The following SMAD2 variants were observed in gnomAD, a reference collection of about 807,000 sequenced individuals.
SMAD2 encodes the protein SMAD family member 2, also known as MAD homolog 2.
SMAD2 carries 8 observed loss-of-function variants against 64.4 expected under a neutral mutation model. The ratio of observed to expected loss-of-function variants is 0.12; its 90% CI spans 0.07 to 0.22. SMAD2 has a LOEUF of 0.22. SMAD2 is among the 10% of genes least tolerant of loss of function. The pLI, the probability that SMAD2 is intolerant of heterozygous loss-of-function variation, is 1.00. For synonymous variants in SMAD2, 203 were observed against 195.8 expected, an observed-to-expected ratio of 1.04 and a Z score of -0.31; for missense variants, 289 against 561.2, an observed-to-expected ratio of 0.51 and a Z score of 4.90.
chr18:47,842,364 A>AC (rs1223056509), intron 10 of SMAD2, among the ~76,000 whole-genome samples: 1 of 151,986 alleles, frequency 6.6e-6, no homozygotes, highest in Non-Finnish European at 1.5e-5. Flanking sequence ...ACATGGTGAA[A>AC]CCCCGTCTCT....
chr18:47,902,179 T>G (rs2033710681), intron 1 of SMAD2, among the ~76,000 whole-genome samples: 2 of 152,146 alleles, frequency 1.3e-5, no homozygotes, highest in African/African-American at 4.8e-5. Flanking sequence ...CCTCCTCTAC[T>G]CTGTACCCAG....
chr18:47,893,230 C>T (rs1354982514), intron 2 of SMAD2, among the ~76,000 whole-genome samples: 2 of 152,138 alleles, frequency 1.3e-5, no homozygotes, highest in Non-Finnish European at 2.9e-5. Flanking sequence ...GCGACAGTGA[C>T]GTATCTATAA....
chr18:47,850,493 T>C (rs1392726686), intron 7 of SMAD2, among the ~76,000 whole-genome samples: 2 of 27,528 alleles, frequency 7.3e-5, no homozygotes, highest in Non-Finnish European at 5.7e-5. Context: ...ATATATTATG[T>C]ATAATATATG....
chr18:47,904,662 A>G (rs759948615), intron 1 of SMAD2, among the ~76,000 whole-genome samples: 46 of 152,230 alleles, frequency 3.0e-4, no homozygotes, highest in Admixed American at 4.6e-4. Flanking sequence ...ATCCAGCAAC[A>G]TAATAGAAAA....
In SMAD2 at chr18:47,833,751, TAAC is replaced by T. The variant is rs1026469248; in HGVS notation, c.*8073_*8075del. On this transcript the variant is annotated 3_prime_UTR_variant, in exon 11 of 11. Transcript: ENST00000262160. ...TAACACAACATTCACGGAAAAATGT[TAAC>T]AACACATTCTGGCTTCTCGAGCAGA... is the stretch of plus-strand genomic sequence containing the variant. The T allele has an allele frequency of 4.3e-6, 1 of 231,088 alleles. No individual in the cohort carries two copies. Among genetic ancestry groups the T allele is most frequent in the Admixed American group, 5.6e-5 (1 of 17,730 alleles). 14.3% of individuals were successfully genotyped at this position (231,088 alleles called of 1,614,324 possible). A position where few individuals can be genotyped will look rare whatever the true frequency, so the allele number is the denominator to read the frequency against.
At position 47,819,920 on chromosome 18, in the gene SMAD2, G is replaced by T. The variant is rs1276738901; in HGVS notation, c.*21907C>A. On this transcript the variant is annotated 3_prime_UTR_variant, in exon 11 of 11. Transcript: ENST00000262160. Reference sequence around the variant, plus strand: ...CAGGAAACGGAGGCAGGAGGATTGTGTGAGTTGGAGTTTGAGGCTGCAGTG... The same window carrying T: ...CAGGAAACGGAGGCAGGAGGATTGTTTGAGTTGGAGTTTGAGGCTGCAGTG... 2 of 152,176 alleles carry T rather than the reference G, an allele frequency of 1.3e-5. No individual in the cohort carries two copies. The highest frequency in any genetic ancestry group is 2.9e-5 in the Non-Finnish European group (2 of 68,032). 9.4% of individuals were successfully genotyped at this position (152,176 alleles called of 1,614,324 possible).
rs779230387 is a variant in SMAD2 at position 47,840,354 on chromosome 18, A to G, written c.*1473T>C. The G allele has an allele frequency of 2.6e-4, 61 of 232,844 alleles. No individual in the cohort carries two copies. The highest frequency in any genetic ancestry group is 9.3e-5 in the Non-Finnish European group (11 of 117,900). 14.4% of individuals were successfully genotyped at this position (232,844 alleles called of 1,614,324 possible). A position where few individuals can be genotyped will look rare whatever the true frequency, so the allele number is the denominator to read the frequency against. ...AGAAATGTTTAAACTGCAATGAGTC[A>G]ACATCAGACATAATAATTATTTGCT... On this transcript the variant is annotated 3_prime_UTR_variant, in exon 11 of 11. Transcript: ENST00000262160.
rs1912559500 is a variant in SMAD2, at chr18:47,821,139, G to A, written c.*20688C>T. The A allele has an allele frequency of 6.6e-6, 1 of 152,000 alleles. No individual in the cohort carries two copies. The highest frequency in any genetic ancestry group is 2.4e-5 in the African/African-American group (1 of 41,410). The allele number at this position is 152,000 out of a possible 1,614,324, so 9.4% of individuals were successfully genotyped here. On this transcript the variant is annotated 3_prime_UTR_variant, in exon 11 of 11. Transcript: ENST00000262160. ...AGGCTGTCTTTTTTCATTTAAGATG[G>A]TCATTTCATTTCTTGAGGTAGAGTT...
rs984325323 is a variant in SMAD2 at position 47,830,072 on chromosome 18, A to C, written c.*11755T>G. 1.3e-5 allele frequency: 2 copies of C among 152,218 alleles called. No homozygotes were observed. The highest frequency in any genetic ancestry group is 4.8e-5 in the African/African-American group (2 of 41,462). The allele number at this position is 152,218 out of a possible 1,614,324, so 9.4% of individuals were successfully genotyped here. ...ATGAAAGCATTCAATTATCTCTATA[A>C]AATTCAATTCCTTAGAATATGTGTT... is the stretch of plus-strand genomic sequence containing the variant. On this transcript the variant is annotated 3_prime_UTR_variant, in exon 11 of 11. Transcript: ENST00000262160.
In SMAD2 at chr18:47,823,123, G is replaced by A. The variant is rs1912629091; in HGVS notation, c.*18704C>T. The A allele has an allele frequency of 6.6e-6, 1 of 152,210 alleles. No individual in the cohort carries two copies. Among genetic ancestry groups the A allele is most frequent in the African/African-American group, 2.4e-5 (1 of 41,452 alleles). The allele number at this position is 152,210 out of a possible 1,614,324, so 9.4% of individuals were successfully genotyped here. A position where few individuals can be genotyped will look rare whatever the true frequency, so the allele number is the denominator to read the frequency against. ...ATTAAAATGTCATATTTGAGAATGT[G>A]TAGAATGCCTGGCTTCAATGGTTCT... On this transcript the variant is annotated 3_prime_UTR_variant, in exon 11 of 11. Coordinates refer to ENST00000262160, the MANE Select transcript of SMAD2 (RefSeq NM_005901.6).
intron 1 of SMAD2, among the ~76,000 whole-genome samples, chr18:47,929,582 T>C (rs2034913085): frequency 6.6e-6 from 1 of 152,236 alleles, no homozygotes; most frequent in African/African-American, 2.4e-5. Context: ...TCGTTTTACC[T>C]GGAAATTTCT....
At chr18:47,855,879 CTA>C (rs1227119991) in intron 6 of SMAD2, among the ~76,000 whole-genome samples, 3 of 152,158 alleles carry the variant, frequency 2.0e-5, no homozygotes, top group African/African-American at 7.2e-5. Flanking sequence ...AGCTGATTGT[CTA>C]ATGAAGACTC....
intron 1 of SMAD2, among the ~76,000 whole-genome samples, chr18:47,902,180 C>T: frequency 6.6e-6 from 1 of 152,202 alleles, no homozygotes; most frequent in South Asian, 2.1e-4. Flanking sequence ...CTCCTCTACT[C>T]TGTACCCAGG....
At chr18:47,893,828 T>C (rs1056543863) in intron 2 of SMAD2, among the ~76,000 whole-genome samples, 12 of 152,148 alleles carry the variant, frequency 7.9e-5, no homozygotes, top group African/African-American at 2.4e-4. Context: ...TGATCAATAA[T>C]AACAAATCTC....
At position 47,824,044 on chromosome 18, in the gene SMAD2, G is replaced by C. The variant is rs1281140294; in HGVS notation, c.*17783C>G. The C allele has an allele frequency of 6.6e-6, 1 of 152,184 alleles. No individual in the cohort carries two copies. Among genetic ancestry groups the C allele is most frequent in the African/African-American group, 2.4e-5 (1 of 41,440 alleles). The allele number at this position is 152,184 out of a possible 1,614,324, so 9.4% of individuals were successfully genotyped here. On this transcript the variant is annotated 3_prime_UTR_variant, in exon 11 of 11. Coordinates refer to ENST00000262160, the MANE Select transcript of SMAD2 (RefSeq NM_005901.6). Reference sequence around the variant, plus strand: ...AAAAGGGTTTTAACACTGACTTTTAGTTGCCAATCACTCCTGCCAATGCAG... The same window carrying C: ...AAAAGGGTTTTAACACTGACTTTTACTTGCCAATCACTCCTGCCAATGCAG...
intron 6 of SMAD2, among the ~76,000 whole-genome samples, chr18:47,861,872 C>A (rs552973889): frequency 2.0e-5 from 3 of 152,170 alleles, no homozygotes; most frequent in Non-Finnish European, 4.4e-5. Flanking sequence ...CACATAGATG[C>A]CTTATAAATA....
In SMAD2 at chr18:47,851,300, G is replaced by A. The variant is rs2030046999; in HGVS notation, c.758C>T (p.Thr253Ile). The change falls in exon 7 of 11, where the codon ACT becomes ATT. Residue 253 changes from threonine to isoleucine, a missense_variant. Thr to Ile is a moderately conservative substitution (Grantham distance 89). This residue lies in a region of SMAD2 where 119 missense variants were observed against 156.7 expected (regional missense o/e 0.76). Transcript: ENST00000262160. Reference sequence around the variant, plus strand: ...CAAGCTATGATTAACAGGGGAAAGAGTAGTAGGAGATAGTTCTGCTGGAGA... The same window carrying A: ...CAAGCTATGATTAACAGGGGAAAGAATAGTAGGAGATAGTTCTGCTGGAGA... ...TGSPAELSPT[T>I]LSPVNHSLDL... 1.9e-6 allele frequency: 3 copies of A among 1,610,318 alleles called. No individual in the cohort carries two copies. The highest frequency in any genetic ancestry group is 2.5e-6 in the Non-Finnish European group (3 of 1,176,926).
chr18:47,886,943 A>C lies in SMAD2; in HGVS notation c.236+9578T>G, dbSNP rs1030270276. The C allele has an allele frequency of 5.8e-5, 9 of 155,990 alleles. No homozygotes were observed. The East Asian group carries it at 1.5e-3, about 26-fold the overall frequency. The allele number at this position is 155,990 out of a possible 1,614,324, so 9.7% of individuals were successfully genotyped here. A position where few individuals can be genotyped will look rare whatever the true frequency, so the allele number is the denominator to read the frequency against. On this transcript the variant is annotated intron_variant, in intron 2 of 10. Transcript: ENST00000262160. ...ATATGCAAAAAAAAAAAAAAAGAAAAGGCTTTTGTTAAAATGGCATGTATT... is the reference window on the plus strand; with the variant it reads ...ATATGCAAAAAAAAAAAAAAAGAAACGGCTTTTGTTAAAATGGCATGTATT...
rs1568017023 is a variant in SMAD2, at chr18:47,829,313, T to C, written c.*12514A>G. On this transcript the variant is annotated 3_prime_UTR_variant, in exon 11 of 11. Transcript: ENST00000262160. ...CATCTACTTCCTCTGTCACATACTA[T>C]TTTGAAGCAAGTCTTACCCATTGTA... 6.6e-6 allele frequency: 1 copy of C among 152,180 alleles called. No homozygotes were observed. 9.4% of individuals were successfully genotyped at this position (152,180 alleles called of 1,614,324 possible).
Sources: allele counts gnomAD v4.1 joint callset (sites outside exome capture counted in the v4.1 genomes callset), GRCh38; gene constraint gnomAD v4.1.1; regional missense constraint gnomAD v4.1.1; transcripts MANE v1.5; gene names NCBI Gene and HGNC (gene_info 2026-07-23, HGNC 2026-07-21).